The following NHSL1 variants were observed in gnomAD, a reference collection of about 807,000 sequenced individuals.
The protein encoded by NHSL1 is NHS like 1, also known as NHS-like protein 1.
In NHSL1, 48 loss-of-function variants were observed where a neutral mutation model predicts 95.0. The observed-to-expected ratio is 0.51, with a 90% CI of 0.40 to 0.64. The LOEUF (loss-of-function observed/expected upper bound fraction) is 0.64. Among genes scored for constraint, NHSL1 ranks in the 30% least tolerant of loss-of-function variants. NHSL1 has a pLI of 0.00. For missense variants in NHSL1, 1,971 were observed against 2,077.7 expected (o/e 0.95, Z 1.00); for synonymous variants, 783 against 833.9 (o/e 0.94, Z 1.05).
At position 138,482,445 on chromosome 6, in the gene NHSL1, C is replaced by CAAAAA. The variant is rs34849976; in HGVS notation, c.212-9017_212-9013dup. Among the ~76,000 whole-genome samples the CAAAAA allele has an allele frequency of 3.6e-3, 296 of 81,206 alleles. 4 individuals carry two copies. Among genetic ancestry groups the CAAAAA allele is most frequent in the African/African-American group, 0.014 (281 of 20,680 alleles). 53.3% of individuals were successfully genotyped at this position (81,206 alleles called of 152,430 possible). Reference sequence around the variant, plus strand: ...TGGGTGACAGAGCGAGACTCCGTCTCAAAAAAAAAAAAAAAAAAAAAGGAG... The same window carrying CAAAAA: ...TGGGTGACAGAGCGAGACTCCGTCTCAAAAAAAAAAAAAAAAAAAAAAAAAAGGAG... On this transcript the variant is annotated intron_variant, in intron 2 of 7. Transcript: ENST00000343505.
In NHSL1 at chr6:138,556,465, C is replaced by T. The variant is rs552931712; in HGVS notation, c.202+15245G>A. Among the ~76,000 whole-genome samples, 121 of 151,888 alleles carry T rather than the reference C, an allele frequency of 8.0e-4. 1 individual carries two copies. The highest frequency in any genetic ancestry group is 1.3e-3 in the Non-Finnish European group (90 of 67,978). ...TCTCTGAGCCCCATTTCTTGAGTCA[C>T]AGAATTTTCTGTAATCTCTATTTTC... is the stretch of plus-strand genomic sequence containing the variant. On this transcript the variant is annotated intron_variant, in intron 1 of 6. Transcript: ENST00000427025.
intron 3 of NHSL1, among the ~76,000 whole-genome samples, chr6:138,451,832 C>T (rs1480852925): frequency 1.3e-5 from 2 of 152,152 alleles, no homozygotes; most frequent in African/African-American, 2.4e-5. Flanking sequence ...GGTCTCAAAA[C>T]AAAATCTCCC....
intron 7 of NHSL1, among the ~76,000 whole-genome samples, chr6:138,426,866 G>T (rs138848558): frequency 2.0e-4 from 30 of 152,328 alleles, no homozygotes; most frequent in Admixed American, 6.5e-4. Context: ...AGAGCAGTCT[G>T]CCCTGATAAG....
chr6:138,631,641 A>G (rs1784820936), intron 1 of NHSL1, among the ~76,000 whole-genome samples: 3 of 152,124 alleles, frequency 2.0e-5, no homozygotes, highest in Non-Finnish European at 4.4e-5. Context: ...CTTGAAAGGA[A>G]GGACCTACTC....
intron 1 of NHSL1, among the ~76,000 whole-genome samples, chr6:138,636,935 A>G (rs967968022): frequency 6.6e-6 from 1 of 152,220 alleles, no homozygotes; most frequent in African/African-American, 2.4e-5. Flanking sequence ...TGGAACCATG[A>G]AAGACCCAGA....
At chr6:138,645,281 C>T (rs150827961) in intron 1 of NHSL1, among the ~76,000 whole-genome samples, 296 of 152,234 alleles carry the variant, frequency 1.9e-3, no homozygotes, top group African/African-American at 6.9e-3. Flanking sequence ...GCAACAGGGC[C>T]CCGGGCACTC....
At chr6:138,670,183 C>T (rs1785346095) in intron 1 of NHSL1, among the ~76,000 whole-genome samples, 1 of 151,868 alleles carries the variant, frequency 6.6e-6, no homozygotes, top group African/African-American at 2.4e-5. Context: ...GGTCCTCTTC[C>T]CCACAACGCT....
At chr6:138,455,963 T>C (rs1435890895) in intron 3 of NHSL1, among the ~76,000 whole-genome samples, 2 of 152,242 alleles carry the variant, frequency 1.3e-5, no homozygotes, top group African/African-American at 4.8e-5. Flanking sequence ...CTTTGAAGCG[T>C]GGTTTGAAAT....
chr6:138,499,162 CACACA>C, intron 1 of NHSL1, 66 bp downstream of exon 1: 1 of 952,796 alleles, frequency 1.0e-6, no homozygotes, highest in Non-Finnish European at 1.6e-6. Flanking sequence ...CACACACAGA[CACACA>C]GGGACATATA....
At chr6:138,658,504 C>G (rs1263721967) in intron 1 of NHSL1, among the ~76,000 whole-genome samples, 1 of 152,214 alleles carries the variant, frequency 6.6e-6, no homozygotes, top group Admixed American at 6.5e-5. Context: ...TCATCCATAT[C>G]GTAGCAAATA....
At chr6:138,442,722 C>T (rs920273188) in intron 4 of NHSL1, among the ~76,000 whole-genome samples, 4 of 152,132 alleles carry the variant, frequency 2.6e-5, no homozygotes, top group African/African-American at 9.7e-5. Flanking sequence ...GACCCAGTAG[C>T]GCTGCTGTTG....
chr6:138,536,602 C>CTTTTTTTTTTT (rs563509738), intron 1 of NHSL1, among the ~76,000 whole-genome samples: 6 of 80,038 alleles, frequency 7.5e-5, no homozygotes, highest in Non-Finnish European at 9.7e-5. Context: ...CATATGTCAT[C>CTTTTTTTTTTT]TTTTTTTTTT....
chr6:138,424,717 G>A lies in NHSL1; in HGVS notation c.4185C>T (p.Ser1395=), dbSNP rs947024928. ...PPVTPTGAAP[S]LASPKQVGSI... is the part of the protein sequence containing the mutation. ...ACCCCACTTGCTTTGGAGAGGCCAG[G>A]CTTGGGGCAGCGCCGGTGGGTGTCA... Residue 1395 remains serine (S), a synonymous_variant, in exon 8 of 8, where the codon AGC becomes AGT. Transcript: ENST00000343505. The surrounding 1 kb of genome is among the most constrained non-coding windows in gnomAD (Gnocchi z 5.9). 13 of 1,551,638 alleles carry A rather than the reference G, an allele frequency of 8.4e-6. No individual in the cohort carries two copies. Among genetic ancestry groups the A allele is most frequent in the Non-Finnish European group, 1.0e-5 (12 of 1,146,978 alleles).
chr6:138,503,258 A>G (rs1179940670), upstream of NHSL1, among the ~76,000 whole-genome samples: 2 of 152,178 alleles, frequency 1.3e-5, no homozygotes, highest in African/African-American at 2.4e-5. Flanking sequence ...CCTCTCCTGC[A>G]TATGATGGCT....
chr6:138,569,382 A>C (rs1432952642), intron 1 of NHSL1, among the ~76,000 whole-genome samples: 1 of 151,980 alleles, frequency 6.6e-6, no homozygotes, highest in East Asian at 1.9e-4. Flanking sequence ...AATGTAAGTT[A>C]GGGGGGTTGC....
chr6:138,550,703 T>A (rs897368571), upstream of NHSL1, among the ~76,000 whole-genome samples: 5 of 152,208 alleles, frequency 3.3e-5, no homozygotes, highest in Non-Finnish European at 7.3e-5. Flanking sequence ...TTGATTTCCA[T>A]AAAATAGTGG....
At chr6:138,673,400 A>T (rs1785407386) in intron 1 of NHSL1, among the ~76,000 whole-genome samples, 1 of 151,892 alleles carries the variant, frequency 6.6e-6, no homozygotes, top group African/African-American at 2.4e-5. Flanking sequence ...TTAAGTGACT[A>T]GAACAGTTTC....
In NHSL1 at chr6:138,552,347, G is replaced by A. The variant is rs183765894; in HGVS notation, c.202+19363C>T. The stretch of plus-strand genomic sequence containing the variant: ...AGGCAGGGGAATCGCTTGAACCCGG[G>A]AGGTGGAGGTTGCAGTGAGCTGAGA... On this transcript the variant is annotated intron_variant, in intron 1 of 6. Coordinates refer to the NHSL1 transcript ENST00000427025. Among the ~76,000 whole-genome samples, 23 of 152,266 alleles carry A rather than the reference G, an allele frequency of 1.5e-4. No individual in the cohort carries two copies. In the East Asian group the frequency reaches 3.3e-3, roughly 22 times the overall value.
chr6:138,610,770 C>G lies in NHSL1; in HGVS notation c.96+81706G>C, dbSNP rs945134560. On this transcript the variant is annotated intron_variant, in intron 1 of 3. Coordinates refer to the NHSL1 transcript ENST00000491526. ...GCCAAGAATGAGACAGGTGGCCTCCCTGCATCTGAAAATAAAGGCATTATT... is the reference window on the plus strand; with the variant it reads ...GCCAAGAATGAGACAGGTGGCCTCCGTGCATCTGAAAATAAAGGCATTATT... Among the ~76,000 whole-genome samples, 7 of 151,982 alleles carry G rather than the reference C, an allele frequency of 4.6e-5. No homozygotes were observed. In the East Asian group the frequency reaches 7.7e-4, roughly 17 times the overall value.
Sources: allele counts gnomAD v4.1 joint callset (sites outside exome capture counted in the v4.1 genomes callset), GRCh38; gene constraint gnomAD v4.1.1; non-coding constraint Gnocchi (gnomAD v3.1); transcripts MANE v1.5; gene names NCBI Gene and HGNC (gene_info 2026-07-23, HGNC 2026-07-21).